MAP3K4: variants seen among roughly 807,000 people sequenced by gnomAD.
MAP3K4 encodes mitogen-activated protein kinase kinase kinase 4.
MAP3K4 carries 67 observed loss-of-function variants against 185.6 expected under a neutral mutation model. The ratio of observed to expected loss-of-function variants is 0.36; its 90% CI spans 0.30 to 0.44. The LOEUF (loss-of-function observed/expected upper bound fraction) is 0.44, where lower values mean the gene tolerates loss of function less well. MAP3K4 is among the 20% of genes least tolerant of loss of function. MAP3K4 has a pLI of 1.00. For synonymous variants in MAP3K4, 702 were observed against 710.4 expected, an observed-to-expected ratio of 0.99 and a Z score of 0.19; for missense variants, 1,551 against 1,995.1, an observed-to-expected ratio of 0.78 and a Z score of 4.24.
chr6:161,099,448 G>A (rs2114889304), intron 17 of MAP3K4, among the ~76,000 whole-genome samples: 1 of 152,212 alleles, frequency 6.6e-6, no homozygotes. Context: ...AAGTACCAAA[G>A]CATTTTACAG....
In MAP3K4 at chr6:161,048,245, G is replaced by T; in HGVS notation, c.344-371G>T. 1 of 540,848 alleles carries T rather than the reference G, an allele frequency of 1.8e-6. No homozygotes were observed. Among genetic ancestry groups the T allele is most frequent in the Non-Finnish European group, 3.8e-6 (1 of 265,860 alleles). 33.5% of individuals were successfully genotyped at this position (540,848 alleles called of 1,614,324 possible). Reference sequence around the variant, plus strand: ...GGAATTAAATATATTTTCTCATCCAGGTGTCCGTCAGATCTCCCATGCTGT... The same window carrying T: ...GGAATTAAATATATTTTCTCATCCATGTGTCCGTCAGATCTCCCATGCTGT... On this transcript the variant is annotated intron_variant, in intron 2 of 26. Coordinates refer to ENST00000392142, the MANE Select transcript of MAP3K4 (RefSeq NM_005922.4). The surrounding 1 kb of genome is among the most constrained non-coding windows in gnomAD (Gnocchi z 4.7).
At chr6:161,039,413 T>C (rs888386212) in intron 2 of MAP3K4, among the ~76,000 whole-genome samples, 1 of 152,062 alleles carries the variant, frequency 6.6e-6, no homozygotes, top group African/African-American at 2.4e-5. Context: ...GTAGCCATGC[T>C]CATGAACTGA....
At chr6:161,025,171 T>TG (rs955321580) in intron 1 of MAP3K4, among the ~76,000 whole-genome samples, 2 of 152,230 alleles carry the variant, frequency 1.3e-5, no homozygotes, top group African/African-American at 4.8e-5. Context: ...GTAACATACC[T>TG]GGCAGTTCTG....
At chr6:161,072,930 A>G (rs1317950819) in intron 4 of MAP3K4, among the ~76,000 whole-genome samples, 2 of 151,894 alleles carry the variant, frequency 1.3e-5, no homozygotes, top group East Asian at 3.9e-4. Flanking sequence ...ATCTAATTCC[A>G]TCACATAATA....
Position 161,073,295 on chromosome 6 carries a change from C to T in MAP3K4, c.1951-171C>T. 1 of 496,984 alleles carries T rather than the reference C, an allele frequency of 2.0e-6. No homozygotes were observed. The highest frequency in any genetic ancestry group is 2.0e-5 in the African/African-American group (1 of 50,412). The allele number at this position is 496,984 out of a possible 1,614,324, so 30.8% of individuals were successfully genotyped here. A position where few individuals can be genotyped will look rare whatever the true frequency, so the allele number is the denominator to read the frequency against. On this transcript the variant is annotated intron_variant, in intron 4 of 26. Coordinates refer to ENST00000392142, the MANE Select transcript of MAP3K4 (RefSeq NM_005922.4). The surrounding 1 kb of genome is among the most constrained non-coding windows in gnomAD (Gnocchi z 4.2). ...CTGTTTTGTTGCTTCTCAATTGAGA[C>T]TACTAAGGTATTTACATAAAATGAA...
At position 161,103,838 on chromosome 6, in the gene MAP3K4, G is replaced by A. The variant is rs1246155662; in HGVS notation, c.3856+1059G>A. 6.6e-6 allele frequency among the ~76,000 whole-genome samples: 1 copy of A among 152,170 alleles called. No individual in the cohort carries two copies. Among genetic ancestry groups the A allele is most frequent in the African/African-American group, 2.4e-5 (1 of 41,428 alleles). ...AATAATACGATACTGGACTAATGTG[G>A]GATTTAAAAGAGGTAATGGCAGCAA... On this transcript the variant is annotated intron_variant, in intron 19 of 26. Transcript: ENST00000392142. The surrounding 1 kb of genome is among the most constrained non-coding windows in gnomAD (Gnocchi z 4.6).
At chr6:161,095,119 G>T (rs532431522) in intron 15 of MAP3K4, among the ~76,000 whole-genome samples, 8 of 152,286 alleles carry the variant, frequency 5.3e-5, no homozygotes, top group Non-Finnish European at 7.3e-5. Flanking sequence ...CAATATGCCT[G>T]CCACTCCAAA....
chr6:161,068,048 A>G (rs563615566), intron 3 of MAP3K4, among the ~76,000 whole-genome samples: 14 of 152,234 alleles, frequency 9.2e-5, no homozygotes, highest in South Asian at 2.1e-4. Context: ...GCACTTTTAT[A>G]GGAGTATTTA....
chr6:161,020,018 A>G (rs1782303631), intron 1 of MAP3K4, among the ~76,000 whole-genome samples: 1 of 152,138 alleles, frequency 6.6e-6, no homozygotes, highest in Admixed American at 6.5e-5. Flanking sequence ...AATAAATCCT[A>G]TGTATGTGGG....
intron 1 of MAP3K4, among the ~76,000 whole-genome samples, chr6:161,026,943 G>C (rs1782701033): frequency 6.6e-6 from 1 of 151,650 alleles, no homozygotes; most frequent in Admixed American, 6.6e-5. Flanking sequence ...ATCCATGTGG[G>C]CTAATTCGTC....
intron 23 of MAP3K4, among the ~76,000 whole-genome samples, chr6:161,111,173 T>C (rs969328244): frequency 3.3e-5 from 5 of 152,216 alleles, no homozygotes; most frequent in African/African-American, 1.2e-4. Flanking sequence ...TCTAACTCCA[T>C]TGGCTCTGTG....
At chr6:161,026,775 G>A (rs1782693393) in intron 1 of MAP3K4, among the ~76,000 whole-genome samples, 1 of 124,610 alleles carries the variant, frequency 8.0e-6, no homozygotes, top group African/African-American at 3.1e-5. Flanking sequence ...TCATTGGAAA[G>A]TCTGGTTAAC....
rs77797228 is a variant in MAP3K4 at position 161,064,686 on chromosome 6, A to G, written c.1708-5922A>G. Among the ~76,000 whole-genome samples the G allele has an allele frequency of 5.8e-3, 876 of 152,346 alleles. 18 individuals carry two copies. In the East Asian group the frequency reaches 0.084, roughly 15 times the overall value. On this transcript the variant is annotated intron_variant, in intron 3 of 26. Coordinates refer to ENST00000392142, the MANE Select transcript of MAP3K4 (RefSeq NM_005922.4). The surrounding 1 kb of genome is among the most constrained non-coding windows in gnomAD (Gnocchi z 4.3). ...ATTATGGATTTGTCAAATCCACACA[A>G]CATGACATCAGAATTATTATTGTAA...
At chr6:161,019,914 A>G (rs930062161) in intron 1 of MAP3K4, among the ~76,000 whole-genome samples, 16 of 152,214 alleles carry the variant, frequency 1.1e-4, no homozygotes, top group African/African-American at 3.6e-4. Flanking sequence ...TATCACTCCA[A>G]ACATGAAACA....
intron 7 of MAP3K4, among the ~76,000 whole-genome samples, chr6:161,085,594 C>T (rs1785672093): frequency 6.6e-6 from 1 of 152,194 alleles, no homozygotes; most frequent in South Asian, 2.1e-4. Context: ...TTTTGAGTTT[C>T]AGAACACCTG....
rs111818865 is a variant in MAP3K4, at chr6:161,116,788, C to T, written c.4807-62C>T. ...GGCCTTCCCCGTAAGACTCATACTGCGCGTATGCACAAGCACACACCTGGC... is the reference window on the plus strand; with the variant it reads ...GGCCTTCCCCGTAAGACTCATACTGTGCGTATGCACAAGCACACACCTGGC... On this transcript the variant is annotated intron_variant, in intron 26 of 26. Transcript: ENST00000392142. The surrounding 1 kb of genome is among the most constrained non-coding windows in gnomAD (Gnocchi z 6.2). The T allele has an allele frequency of 6.5e-5, 96 of 1,479,374 alleles. No homozygotes were observed. The African/African-American group carries it at 7.2e-4, about 11-fold the overall frequency. 91.6% of individuals were successfully genotyped at this position (1,479,374 alleles called of 1,614,324 possible). A position where few individuals can be genotyped will look rare whatever the true frequency, so the allele number is the denominator to read the frequency against.
chr6:161,103,821 G>A lies in MAP3K4; in HGVS notation c.3856+1042G>A, dbSNP rs1386186236. On this transcript the variant is annotated intron_variant, in intron 19 of 26. Transcript: ENST00000392142. This position sits in a 1 kb window ranked among gnomAD's most constrained non-coding sequence, Gnocchi z 4.6. ...TGCAGAAATTCAGTATAAATAATAC[G>A]ATACTGGACTAATGTGGGATTTAAA... Among the ~76,000 whole-genome samples, 1 of 152,178 alleles carries A rather than the reference G, an allele frequency of 6.6e-6. No individual in the cohort carries two copies.
intron 1 of MAP3K4, among the ~76,000 whole-genome samples, chr6:161,013,743 C>G (rs945736203): frequency 6.6e-6 from 1 of 152,198 alleles, no homozygotes; most frequent in Non-Finnish European, 1.5e-5. Context: ...CAGCTCAGGG[C>G]AGTTCTGCAG....
In MAP3K4 at chr6:160,991,991, C is replaced by G. The variant is rs1485740460; in HGVS notation, c.60C>G (p.Ala20=). 9 of 1,546,278 alleles carry G rather than the reference C, an allele frequency of 5.8e-6. No individual in the cohort carries two copies. The highest frequency in any genetic ancestry group is 7.8e-6 in the Non-Finnish European group (9 of 1,152,934). ...CCGCCTTTGCCGTCACGCCTGCCGC[C>G]GCCATGGAGGAGCCGCCGCCACCGC... ...PPPAFAVTPA[A]AMEEPPPPPP... The change falls in exon 1 of 27, where the codon GCC becomes GCG. Residue 20 remains alanine (A), a synonymous_variant. Transcript: ENST00000392142. The surrounding 1 kb of genome is among the most constrained non-coding windows in gnomAD (Gnocchi z 5.7).
Sources: allele counts gnomAD v4.1 joint callset (sites outside exome capture counted in the v4.1 genomes callset), GRCh38; gene constraint gnomAD v4.1.1; non-coding constraint Gnocchi (gnomAD v3.1); transcripts MANE v1.5; gene names NCBI Gene and HGNC (gene_info 2026-07-23, HGNC 2026-07-21).